Variants in DAB2IP observed in about 807,000 individuals in gnomAD.
DAB2IP encodes disabled homolog 2-interacting protein.
In DAB2IP, 28 loss-of-function variants were observed where a neutral mutation model predicts 107.2. The observed-to-expected ratio is 0.26, with a 90% CI of 0.19 to 0.36. The LOEUF is 0.36. Ranked by LOEUF, DAB2IP falls within the 10% of genes least tolerant of loss-of-function variation. DAB2IP has a pLI of 1.00. For synonymous variants in DAB2IP, 755 were observed against 706.4 expected (o/e 1.07, Z -1.09); for missense variants, 1,400 against 1,644.7 (o/e 0.85, Z 2.57).
At chr9:121,624,219 G>A (rs547685474) in intron 1 of DAB2IP, among the ~76,000 whole-genome samples, 7 of 152,374 alleles carry the variant, frequency 4.6e-5, no homozygotes, top group East Asian at 3.9e-4. Flanking sequence ...CGGACCCAGC[G>A]GGGCTGCCCA....
intron 1 of DAB2IP, among the ~76,000 whole-genome samples, chr9:121,594,884 T>C (rs1327058933): frequency 6.6e-6 from 1 of 152,172 alleles, no homozygotes; most frequent in Non-Finnish European, 1.5e-5. Flanking sequence ...TGGATTATAA[T>C]AGGAGAAGTA....
chr9:121,651,875 CG>C lies in DAB2IP; in HGVS notation c.101del (p.Arg34ProfsTer91). The C allele has an allele frequency of 6.9e-7, 1 of 1,440,558 alleles. No individual in the cohort carries two copies. The allele number at this position is 1,440,558 out of a possible 1,614,324, so 89.2% of individuals were successfully genotyped here. A position where few individuals can be genotyped will look rare whatever the true frequency, so the allele number is the denominator to read the frequency against. ...GCTGCAGCGACAGAGGAGCCGCTCC[CG>C]CAGCCGGACCCGGCCTGCCAGGGGT... On this transcript the variant is annotated frameshift_variant, in exon 1 of 16. Coordinates refer to ENST00000408936, the Ensembl canonical transcript of DAB2IP. LOFTEE classifies it high-confidence loss of function. This position sits in a 1 kb window ranked among gnomAD's most constrained non-coding sequence, Gnocchi z 5.1.
At chr9:121,752,720 G>C in intron 3 of DAB2IP, among the ~76,000 whole-genome samples, 1 of 152,346 alleles carries the variant, frequency 6.6e-6, no homozygotes, top group Admixed American at 6.5e-5. Context: ...GGCTCAGAGT[G>C]CCAAGTTCTG....
chr9:121,781,695 C>T (rs1835668042), intron 15 of DAB2IP, 144 bp downstream of exon 15: 1 of 808,858 alleles, frequency 1.2e-6, no homozygotes. Flanking sequence ...GAAGTCAGAC[C>T]TGTGGTCTTA....
In DAB2IP at chr9:121,743,937, A is replaced by G. The variant is rs552475945; in HGVS notation, c.363-13076A>G. 9.8e-5 allele frequency among the ~76,000 whole-genome samples: 15 copies of G among 152,342 alleles called. No individual in the cohort carries two copies. In the East Asian group the frequency reaches 2.9e-3, roughly 29 times the overall value. On this transcript the variant is annotated intron_variant, in intron 3 of 15. Transcript: ENST00000408936. ...TAGAAACGGTTAGGAGGGACCTGTG[A>G]AAAAGCGGGACACCAAGAAGAGCAC...
intron 3 of DAB2IP, among the ~76,000 whole-genome samples, chr9:121,711,474 T>C (rs1316664890): frequency 6.6e-6 from 1 of 152,224 alleles, no homozygotes; most frequent in African/African-American, 2.4e-5. Context: ...TCAGTTTTGC[T>C]TTGTTTAATC....
At chr9:121,674,382 A>G (rs2119124769) in intron 1 of DAB2IP, among the ~76,000 whole-genome samples, 1 of 152,314 alleles carries the variant, frequency 6.6e-6, no homozygotes, top group Non-Finnish European at 1.5e-5. Context: ...AAGGTGCCCC[A>G]GGTTTCCCTC....
intron 1 of DAB2IP, among the ~76,000 whole-genome samples, chr9:121,674,059 A>G (rs1201803534): frequency 6.6e-6 from 1 of 152,226 alleles, no homozygotes; most frequent in Admixed American, 6.5e-5. Context: ...AGGACCCCAA[A>G]GCTAGGGACA....
chr9:121,631,005 G>A (rs1219766696), intron 1 of DAB2IP, among the ~76,000 whole-genome samples: 1 of 152,254 alleles, frequency 6.6e-6, no homozygotes, highest in East Asian at 1.9e-4. Context: ...AAGGGCTCCT[G>A]CTGAGGCCCA....
At chr9:121,681,789 G>C (rs887389544) in intron 2 of DAB2IP, among the ~76,000 whole-genome samples, 38 of 152,168 alleles carry the variant, frequency 2.5e-4, no homozygotes, top group African/African-American at 9.2e-4. Context: ...CAGAGGTGGG[G>C]ATCTGGGTTC....
At chr9:121,777,802 T>A (rs1388268162) in intron 14 of DAB2IP, among the ~76,000 whole-genome samples, 2 of 152,232 alleles carry the variant, frequency 1.3e-5, no homozygotes, top group East Asian at 1.9e-4. Context: ...CTGAAACTAT[T>A]CTTAGGTGCA....
chr9:121,708,769 A>G (rs183039158), intron 3 of DAB2IP, among the ~76,000 whole-genome samples: 368 of 152,332 alleles, frequency 2.4e-3, no homozygotes, highest in African/African-American at 4.1e-3. Flanking sequence ...TCCACAGGAC[A>G]GGACTAGTCA....
intron 1 of DAB2IP, among the ~76,000 whole-genome samples, chr9:121,595,977 A>C (rs965955215): frequency 6.6e-6 from 1 of 152,092 alleles, no homozygotes; most frequent in Non-Finnish European, 1.5e-5. Context: ...GCTTGAGTCC[A>C]GGAGTTTGAG....
Position 121,634,474 on chromosome 9 carries a change from C to A in DAB2IP, c.41-44204C>A, listed in dbSNP as rs2797349. 0.65 allele frequency among the ~76,000 whole-genome samples: 98,574 copies of A among 152,012 alleles called. 32,140 individuals carry two copies. The highest frequency in any genetic ancestry group is 0.75 in the South Asian group (3,599 of 4,820). On this transcript the variant is annotated intron_variant, in intron 1 of 16. Transcript: ENST00000259371. This position sits in a 1 kb window ranked among gnomAD's most constrained non-coding sequence, Gnocchi z 4.7. Reference sequence around the variant, plus strand: ...TACACAGGAGCCCCACCCTGAGCCACTGTGGCCCCAGGTGTCCCCTTGTGC... The same window carrying A: ...TACACAGGAGCCCCACCCTGAGCCAATGTGGCCCCAGGTGTCCCCTTGTGC...
At chr9:121,586,696 TTCAGTCCCAGC>T (rs1281753797) in intron 1 of DAB2IP, among the ~76,000 whole-genome samples, 1 of 152,112 alleles carries the variant, frequency 6.6e-6, no homozygotes, top group Non-Finnish European at 1.5e-5. Flanking sequence ...GGTGTATACC[TTCAGTCCCAGC>T]TACTTGGGAG....
chr9:121,614,371 C>T (rs1351333265), intron 1 of DAB2IP, among the ~76,000 whole-genome samples: 1 of 122,740 alleles, frequency 8.1e-6, no homozygotes, highest in South Asian at 2.6e-4. Context: ...GAGGGAGTCT[C>T]GCTCTGTTGC....
At chr9:121,589,916 C>CTCCCTTCCCTGCCCT (rs1830390513) in intron 1 of DAB2IP, among the ~76,000 whole-genome samples, 1 of 93,322 alleles carries the variant, frequency 1.1e-5, no homozygotes, top group Non-Finnish European at 2.2e-5. Flanking sequence ...CCCAGTCCTG[C>CTCCCTTCCCTGCCCT]TCCCTTCCCT....
At chr9:121,688,225 G>A (rs911656002) in intron 2 of DAB2IP, among the ~76,000 whole-genome samples, 20 of 152,202 alleles carry the variant, frequency 1.3e-4, no homozygotes, top group African/African-American at 4.3e-4. Flanking sequence ...ATTTTGGTGG[G>A]ATTACAGACA....
chr9:121,783,667 A>AGCCTGC, exon 16 of DAB2IP: 2 of 1,286,498 alleles, frequency 1.6e-6, no homozygotes, highest in East Asian at 4.6e-5. Flanking sequence ...AGACAGCAGC[A>AGCCTGC]GCCTGCACCT....
Sources: gnomAD v4.1 joint callset for allele counts (sites outside exome capture counted in the v4.1 genomes callset) on GRCh38, gnomAD v4.1.1 for gene constraint, Gnocchi (gnomAD v3.1) non-coding constraint, MANE v1.5 for transcripts, NCBI Gene and HGNC (gene_info 2026-07-23, HGNC 2026-07-21) for gene names.